SH2D4A: variants seen among roughly 807,000 people sequenced by gnomAD.
SH2D4A encodes SH2 domain-containing protein 4A.
Under a neutral mutation model 64.7 loss-of-function variants are expected in SH2D4A, and 70 were observed. That is an observed-to-expected ratio of 1.08 (90% CI 0.89 to 1.32). SH2D4A has a LOEUF of 1.32. Ranked by LOEUF, SH2D4A falls within the 40% of genes most tolerant of loss-of-function variation. The pLI is 0.00. For synonymous variants in SH2D4A, 268 were observed against 200.7 expected (o/e 1.34, Z -2.83); for missense variants, 706 against 540.1 (o/e 1.31, Z -3.04).
chr8:19,365,503 G>T (rs1031655749), intron 7 of SH2D4A, among the ~76,000 whole-genome samples: 1 of 152,206 alleles, frequency 6.6e-6, no homozygotes, highest in African/African-American at 2.4e-5. Context: ...TGGCGACAGA[G>T]CCTCAGCAGG....
intron 8 of SH2D4A, among the ~76,000 whole-genome samples, chr8:19,382,639 ATT>A (rs1325721557): frequency 5.3e-5 from 8 of 152,088 alleles, no homozygotes; most frequent in Admixed American, 2.0e-4. Flanking sequence ...GACTGATAAT[ATT>A]CTCAACTTAT....
chr8:19,394,975 A>G lies in SH2D4A; in HGVS notation c.*333A>G, dbSNP rs7357583. 74,729 of 166,420 alleles carry G rather than the reference A, an allele frequency of 0.45. 17,545 individuals carry two copies. Among genetic ancestry groups the G allele is most frequent in the Middle Eastern group, 0.61 (229 of 374 alleles). 10.3% of individuals were successfully genotyped at this position (166,420 alleles called of 1,614,324 possible). The stretch of plus-strand genomic sequence containing the variant: ...GAAATTAAGGTGTACTTGAAAACGA[A>G]TATCTATCATATGACCCCTGCACTC... On this transcript the variant is annotated 3_prime_UTR_variant, in exon 10 of 10. Transcript: ENST00000265807.
Position 19,348,771 on chromosome 8 carries a change from C to A in SH2D4A, c.514-8432C>A, listed in dbSNP as rs557525987. On this transcript the variant is annotated intron_variant, in intron 4 of 9. Coordinates refer to ENST00000265807, the MANE Select transcript of SH2D4A (RefSeq NM_022071.4). ...GGTTAAGAGTGAAAAGCAGTATTAGCAAAATAACACTTTAAGGTGATTTAA... is the reference window on the plus strand; with the variant it reads ...GGTTAAGAGTGAAAAGCAGTATTAGAAAAATAACACTTTAAGGTGATTTAA... 2.0e-5 allele frequency among the ~76,000 whole-genome samples: 3 copies of A among 152,284 alleles called. No individual in the cohort carries two copies. In the East Asian group the frequency reaches 5.8e-4, roughly 29 times the overall value.
chr8:19,357,308 C>CG (rs781481103), intron 5 of SH2D4A, 25 bp downstream of exon 5: 1 of 1,531,980 alleles, frequency 6.5e-7, no homozygotes, highest in South Asian at 1.1e-5. Flanking sequence ...TTCTGTCCTC[C>CG]GGGGGCTGCA....
intron 9 of SH2D4A, 50 bp downstream of exon 9, chr8:19,393,591 C>A: frequency 6.4e-7 from 1 of 1,559,130 alleles, no homozygotes; most frequent in South Asian, 1.1e-5. Flanking sequence ...TGTCCTGTAG[C>A]AGCTCTAACA....
intron 3 of SH2D4A, among the ~76,000 whole-genome samples, chr8:19,333,841 A>G (rs1430967422): frequency 6.6e-6 from 1 of 152,174 alleles, no homozygotes; most frequent in Non-Finnish European, 1.5e-5. Flanking sequence ...GAAGGCCAGG[A>G]AGGAAAGTGC....
rs770961247 is a variant in SH2D4A at position 19,364,111 on chromosome 8, T to G, written c.746T>G (p.Leu249Trp). Reference sequence around the variant, plus strand: ...GCAGCTGATGAGAAGAGACGCTCCTTGGCTAAACAAGCACGAGAAGACTAC... The same window carrying G: ...GCAGCTGATGAGAAGAGACGCTCCTGGGCTAAACAAGCACGAGAAGACTAC... ...SKAADEKRRS[L>W]AKQAREDYKR... The change falls in exon 7 of 10, where the codon TTG becomes TGG. Residue 249 changes from leucine (L) to tryptophan (W), a missense_variant. By Grantham distance (61) the Leu-to-Trp change is moderately conservative (BLOSUM62 -2). Coordinates refer to ENST00000265807, the MANE Select transcript of SH2D4A (RefSeq NM_022071.4). 1.2e-6 allele frequency: 2 copies of G among 1,614,020 alleles called. No homozygotes were observed. The highest frequency in any genetic ancestry group is 4.5e-5 in the East Asian group (2 of 44,852).
At chr8:19,383,586 A>C (rs2053335877) in intron 8 of SH2D4A, among the ~76,000 whole-genome samples, 1 of 152,044 alleles carries the variant, frequency 6.6e-6, no homozygotes, top group African/African-American at 2.4e-5. Flanking sequence ...GAATGTAATA[A>C]TGCGGTAACT....
At chr8:19,370,538 T>C (rs2053077474) in intron 7 of SH2D4A, among the ~76,000 whole-genome samples, 1 of 149,724 alleles carries the variant, frequency 6.7e-6, no homozygotes. Context: ...CTTTATATGA[T>C]ATAAATATAG....
At chr8:19,361,075 G>A (rs1044920034) in intron 5 of SH2D4A, 128 bp from the exon 6 acceptor site, 16 of 537,350 alleles carry the variant, frequency 3.0e-5, no homozygotes, top group Admixed American at 2.9e-4. Flanking sequence ...TTCCTAGTGG[G>A]CCAGAGAGTT....
intron 1 of SH2D4A, among the ~76,000 whole-genome samples, chr8:19,318,359 A>C (rs964208328): frequency 6.6e-6 from 1 of 152,186 alleles, no homozygotes; most frequent in Non-Finnish European, 1.5e-5. Flanking sequence ...GGTTTATGGG[A>C]CTTAGAAATT....
At chr8:19,332,385 C>T (rs910228326) in intron 2 of SH2D4A, among the ~76,000 whole-genome samples, 8 of 152,116 alleles carry the variant, frequency 5.3e-5, no homozygotes, top group African/African-American at 1.4e-4. Context: ...CCTGTAATCC[C>T]AGCACTTTGG....
chr8:19,393,378 T>C lies in SH2D4A; in HGVS notation c.1109T>C (p.Phe370Ser). The C allele has an allele frequency of 6.2e-7, 1 of 1,614,214 alleles. No individual in the cohort carries two copies. The highest frequency in any genetic ancestry group is 8.5e-7 in the Non-Finnish European group (1 of 1,180,040). ...LLLSTGMPGSFLIRVSERIKG... is the reference protein window; with the variant it reads ...LLLSTGMPGSSLIRVSERIKG... ...CTGAGCACAGGCATGCCCGGCAGTT[T>C]TCTCATCCGAGTCAGTGAAAGGATC... The change falls in exon 9 of 10, where the codon TTT (phenylalanine) becomes TCT (serine). Residue 370 changes from phenylalanine (F) to serine (S), a missense_variant. Transcript: ENST00000265807.
chr8:19,370,552 C>T (rs1485734384), intron 7 of SH2D4A, among the ~76,000 whole-genome samples: 1 of 152,042 alleles, frequency 6.6e-6, no homozygotes, highest in East Asian at 1.9e-4. Flanking sequence ...AATATAGCTA[C>T]TCCTGTTGTC....
At chr8:19,366,055 C>G (rs1339858930) in intron 7 of SH2D4A, among the ~76,000 whole-genome samples, 2 of 152,088 alleles carry the variant, frequency 1.3e-5, no homozygotes, top group Non-Finnish European at 2.9e-5. Context: ...TCACACGTAA[C>G]TCAGAAGCAC....
chr8:19,390,450 C>A (rs1441915314), intron 8 of SH2D4A, among the ~76,000 whole-genome samples: 2 of 152,160 alleles, frequency 1.3e-5, no homozygotes, highest in African/African-American at 4.8e-5. Context: ...ATTCCCTATC[C>A]CAGCAGATGA....
intron 4 of SH2D4A, among the ~76,000 whole-genome samples, chr8:19,348,549 G>A (rs2117249001): frequency 6.6e-6 from 1 of 152,172 alleles, no homozygotes; most frequent in East Asian, 1.9e-4. Context: ...GTCCACTCCG[G>A]AACGATCAGT....
At chr8:19,392,283 G>A (rs868003711) in intron 8 of SH2D4A, among the ~76,000 whole-genome samples, 1 of 152,132 alleles carries the variant, frequency 6.6e-6, no homozygotes, top group Non-Finnish European at 1.5e-5. Context: ...AATAGCTACA[G>A]GCTAAGGTAC....
chr8:19,384,974 T>G (rs138879728), intron 8 of SH2D4A, among the ~76,000 whole-genome samples: 2 of 152,334 alleles, frequency 1.3e-5, no homozygotes, highest in East Asian at 1.9e-4. Flanking sequence ...CAATAGTTGA[T>G]CATTATTCCT....
Sources: gnomAD v4.1 joint callset for allele counts (sites outside exome capture counted in the v4.1 genomes callset) on GRCh38, gnomAD v4.1.1 for gene constraint, MANE v1.5 for transcripts, NCBI Gene and HGNC (gene_info 2026-07-23, HGNC 2026-07-21) for gene names.